The following CNTN5 variants were observed in gnomAD, a reference collection of about 807,000 sequenced individuals.
CNTN5 encodes the protein contactin 5.
In CNTN5, 77 loss-of-function variants were observed where a neutral mutation model predicts 129.1. The ratio of observed to expected loss-of-function variants is 0.60; its 90% CI spans 0.50 to 0.72. The LOEUF is 0.72. Among genes scored for constraint, CNTN5 ranks in the 30% least tolerant of loss-of-function variants. The pLI, the probability that CNTN5 is intolerant of heterozygous loss-of-function variation, is 0.00. For missense variants in CNTN5, 1,478 were observed against 1,328.8 expected (o/e 1.11, Z -1.75); for synonymous variants, 509 against 465.6 (o/e 1.09, Z -1.20).
intron 2 of CNTN5, among the ~76,000 whole-genome samples, chr11:99,505,733 T>G (rs571537215): frequency 6.6e-6 from 1 of 152,314 alleles, no homozygotes; most frequent in Non-Finnish European, 1.5e-5. Context: ...TCATTTTTGT[T>G]TTTTAAATAA....
intron 2 of CNTN5, among the ~76,000 whole-genome samples, chr11:99,482,327 A>C: frequency 6.6e-6 from 1 of 152,198 alleles, no homozygotes; most frequent in East Asian, 1.9e-4. Flanking sequence ...ACAGAAAGGT[A>C]ATTCTACATT....
intron 3 of CNTN5, among the ~76,000 whole-genome samples, chr11:99,599,931 C>T (rs988338903): frequency 1.3e-5 from 2 of 151,842 alleles, no homozygotes; most frequent in African/African-American, 4.8e-5. Flanking sequence ...AGAAAGGAAA[C>T]CAAATGGGGT....
chr11:100,112,494 T>C (rs1170085974), intron 13 of CNTN5, among the ~76,000 whole-genome samples: 1 of 152,150 alleles, frequency 6.6e-6, no homozygotes, highest in Non-Finnish European at 1.5e-5. Flanking sequence ...CATATATCCC[T>C]GTGTTGTCTT....
intron 1 of CNTN5, among the ~76,000 whole-genome samples, chr11:99,270,627 A>T (rs757018653): frequency 2.6e-5 from 4 of 151,966 alleles, no homozygotes; most frequent in Non-Finnish European, 5.9e-5. Context: ...TTTGGAGCAC[A>T]AAATGTTTTT....
intron 3 of CNTN5, among the ~76,000 whole-genome samples, chr11:99,715,423 G>C (rs979515094): frequency 2.0e-5 from 3 of 151,698 alleles, no homozygotes; most frequent in South Asian, 2.1e-4. Context: ...ACCACCAAGA[G>C]AGCAGAATAG....
chr11:99,726,697 G>A (rs562126909), intron 3 of CNTN5, among the ~76,000 whole-genome samples: 1 of 152,222 alleles, frequency 6.6e-6, no homozygotes, highest in Admixed American at 6.5e-5. Context: ...AATTTTTCAA[G>A]ATGATACGAG....
At chr11:100,013,135 TGTG>T (rs541404014) in intron 9 of CNTN5, among the ~76,000 whole-genome samples, 45 of 152,080 alleles carry the variant, frequency 3.0e-4, no homozygotes, top group Non-Finnish European at 5.7e-4. Context: ...AGCCAAATAA[TGTG>T]TACACATGGG....
chr11:99,635,103 G>A (rs1266484846), intron 3 of CNTN5, among the ~76,000 whole-genome samples: 3 of 152,168 alleles, frequency 2.0e-5, no homozygotes, highest in Non-Finnish European at 1.5e-5. Context: ...ACTAGAAAGA[G>A]AAGTCTTTTA....
At chr11:100,070,910 T>C (rs1309243875) in intron 11 of CNTN5, among the ~76,000 whole-genome samples, 2 of 152,226 alleles carry the variant, frequency 1.3e-5, no homozygotes, top group Admixed American at 6.5e-5. Flanking sequence ...TAGATTTATT[T>C]CCATTTGTAG....
chr11:99,142,155 C>G (rs1859548910), intron 1 of CNTN5, among the ~76,000 whole-genome samples: 1 of 152,130 alleles, frequency 6.6e-6, no homozygotes, highest in Admixed American at 6.5e-5. Flanking sequence ...CCTTTGTTCT[C>G]TGGCTTCTTG....
chr11:99,949,410 T>TCATA (rs1227853413), intron 7 of CNTN5, among the ~76,000 whole-genome samples: 1 of 152,144 alleles, frequency 6.6e-6, no homozygotes, highest in Non-Finnish European at 1.5e-5. Context: ...CACATTAAGG[T>TCATA]CATAGTCCCT....
chr11:100,308,287 C>T, intron 20 of CNTN5, 72 bp from the exon 21 acceptor site: 1 of 1,369,146 alleles, frequency 7.3e-7, no homozygotes, highest in Non-Finnish European at 1.0e-6. Context: ...AATTTAACAC[C>T]TGACAGACTC....
intron 6 of CNTN5, among the ~76,000 whole-genome samples, chr11:99,904,390 T>C (rs1949440614): frequency 6.6e-6 from 1 of 150,800 alleles, no homozygotes; most frequent in Non-Finnish European, 1.5e-5. Flanking sequence ...GAACCTGTGG[T>C]GTTTGGTTTT....
chr11:99,236,896 C>A (rs962505831), intron 1 of CNTN5, among the ~76,000 whole-genome samples: 2 of 151,954 alleles, frequency 1.3e-5, no homozygotes, highest in African/African-American at 4.8e-5. Context: ...GCTTTGTATA[C>A]TTATTCCAAT....
intron 23 of CNTN5, 69 bp from the exon 24 acceptor site, chr11:100,350,633 C>A (rs1307861196): frequency 8.6e-7 from 1 of 1,167,634 alleles, no homozygotes; most frequent in Non-Finnish European, 1.2e-6. Flanking sequence ...GAATGTGACA[C>A]ATAGTAGGCA....
rs59675284 is a variant in CNTN5 at position 99,547,003 on chromosome 11, CT to C, written c.-70-9125del. ...TAGGTTTGTGAATGAAAATTATTTT[CT>C]TTTTTTTTTTTTTTTTGAGACAGAG... On this transcript the variant is annotated intron_variant, in intron 2 of 24. Coordinates refer to ENST00000524871, the MANE Select transcript of CNTN5 (RefSeq NM_014361.4). Among the ~76,000 whole-genome samples, 1,037 of 128,586 alleles carry C rather than the reference CT, an allele frequency of 8.1e-3. 13 individuals carry two copies. Among genetic ancestry groups the C allele is most frequent in the African/African-American group, 0.027 (911 of 34,166 alleles). The allele number at this position is 128,586 out of a possible 152,430, so 84.4% of individuals were successfully genotyped here. A position where few individuals can be genotyped will look rare whatever the true frequency, so the allele number is the denominator to read the frequency against.
At chr11:99,388,724 AT>A (rs1392314320) in intron 2 of CNTN5, among the ~76,000 whole-genome samples, 1 of 152,158 alleles carries the variant, frequency 6.6e-6, no homozygotes, top group East Asian at 1.9e-4. Context: ...ATACATACAG[AT>A]TTGTTCATAG....
At chr11:100,243,347 C>T (rs537446062) in intron 16 of CNTN5, among the ~76,000 whole-genome samples, 1 of 152,300 alleles carries the variant, frequency 6.6e-6, no homozygotes, top group South Asian at 2.1e-4. Flanking sequence ...TCAGTTGATA[C>T]ATCAACCAGC....
At chr11:99,202,013 G>A (rs528878009) in intron 1 of CNTN5, among the ~76,000 whole-genome samples, 6 of 152,212 alleles carry the variant, frequency 3.9e-5, no homozygotes, top group Non-Finnish European at 8.8e-5. Context: ...TATGTCATTC[G>A]TATTTAGAAA....
Sources: allele counts gnomAD v4.1 joint callset (sites outside exome capture counted in the v4.1 genomes callset), GRCh38; gene constraint gnomAD v4.1.1; transcripts MANE v1.5; gene names NCBI Gene and HGNC (gene_info 2026-07-23, HGNC 2026-07-21).